The following DAB1 variants were observed in gnomAD, a reference collection of about 807,000 sequenced individuals.
DAB1 encodes the protein DAB adaptor protein 1.
Under a neutral mutation model 64.6 loss-of-function variants are expected in DAB1, and 15 were observed. The ratio of observed to expected loss-of-function variants is 0.23; its 90% confidence interval spans 0.16 to 0.36. The LOEUF is 0.36. DAB1 is among the 10% of genes least tolerant of loss of function. DAB1 has a pLI of 1.00. For synonymous variants in DAB1, 235 were observed against 251.9 expected, an observed-to-expected ratio of 0.93 and a Z score of 0.64; for missense variants, 596 against 706.7, an observed-to-expected ratio of 0.84 and a Z score of 1.78.
At chr1:57,534,782 T>A (rs17115946) in intron 7 of DAB1, among the ~76,000 whole-genome samples, 3,117 of 152,220 alleles carry the variant, frequency 0.02, 122 homozygotes, top group African/African-American at 0.071. Flanking sequence ...AAAGCGTAAA[T>A]GAGATAACAT....
chr1:58,540,872 A>G (rs1646596305), intron 1 of DAB1, among the ~76,000 whole-genome samples: 1 of 152,076 alleles, frequency 6.6e-6, no homozygotes, highest in African/African-American at 2.4e-5. Context: ...TGAAAATTAT[A>G]AAACCACAAA....
chr1:58,347,101 T>C (rs1392170368), intron 3 of DAB1, among the ~76,000 whole-genome samples: 1 of 109,708 alleles, frequency 9.1e-6, no homozygotes, highest in South Asian at 2.7e-4. Context: ...TTTGTTTTGT[T>C]TTGTTTGTTT....
intron 3 of DAB1, among the ~76,000 whole-genome samples, chr1:58,356,688 A>C (rs1419887163): frequency 6.6e-6 from 1 of 152,090 alleles, no homozygotes. Flanking sequence ...TTTGGATCAG[A>C]GAGTAGGTAG....
At chr1:58,150,736 T>C (rs971502044) in intron 4 of DAB1, 1 of 152,082 alleles carries the variant, frequency 6.6e-6, no homozygotes, top group South Asian at 2.1e-4. Flanking sequence ...ATGTGCACAA[T>C]GTGCAGGTTT....
intron 3 of DAB1, among the ~76,000 whole-genome samples, chr1:57,143,951 T>C (rs1007716560): frequency 1.3e-5 from 2 of 151,626 alleles, no homozygotes; most frequent in African/African-American, 2.4e-5. Context: ...TGTATATGTA[T>C]ATATGCTCAT....
chr1:58,357,830 G>GA (rs1334430687), intron 3 of DAB1, among the ~76,000 whole-genome samples: 1 of 152,060 alleles, frequency 6.6e-6, no homozygotes, highest in East Asian at 1.9e-4. Flanking sequence ...TCTATAGTGG[G>GA]AAAAGGAGGA....
intron 7 of DAB1, among the ~76,000 whole-genome samples, chr1:57,553,568 C>T (rs1419997442): frequency 6.6e-6 from 1 of 151,728 alleles, no homozygotes; most frequent in Non-Finnish European, 1.5e-5. Context: ...ACTTAAAAGC[C>T]TCCCTACTCA....
intron 5 of DAB1, among the ~76,000 whole-genome samples, chr1:57,981,640 C>T (rs1056039775): frequency 9.2e-5 from 14 of 151,972 alleles, no homozygotes; most frequent in Non-Finnish European, 2.1e-4. Context: ...TATTTTTTGC[C>T]TGCTTGTGAC....
intron 3 of DAB1, among the ~76,000 whole-genome samples, chr1:58,454,268 A>G (rs1645169050): frequency 6.6e-6 from 1 of 152,156 alleles, no homozygotes; most frequent in African/African-American, 2.4e-5. Context: ...ATGGCAGGCT[A>G]CAAACACACA....
chr1:57,991,956 CA>C (rs1256912302), intron 5 of DAB1, among the ~76,000 whole-genome samples: 1 of 149,558 alleles, frequency 6.7e-6, no homozygotes, highest in Admixed American at 6.7e-5. Context: ...TCAAGGAGGA[CA>C]TTCCAGGTAG....
intron 7 of DAB1, among the ~76,000 whole-genome samples, chr1:57,540,812 G>A (rs1644792743): frequency 6.6e-6 from 1 of 152,198 alleles, no homozygotes; most frequent in South Asian, 2.1e-4. Flanking sequence ...GAGGCCAGGA[G>A]GAGAATGTGT....
At chr1:57,300,425 G>A (rs1033169047) in intron 1 of DAB1, among the ~76,000 whole-genome samples, 1 of 152,144 alleles carries the variant, frequency 6.6e-6, no homozygotes, top group African/African-American at 2.4e-5. Context: ...TTAACAGGGG[G>A]GATGCAGACG....
intron 3 of DAB1, among the ~76,000 whole-genome samples, chr1:58,487,742 C>T (rs536489107): frequency 6.6e-6 from 1 of 152,246 alleles, no homozygotes; most frequent in East Asian, 1.9e-4. Flanking sequence ...TTCATTCTAG[C>T]TATAATTTCT....
rs563603297 is a variant in DAB1, at chr1:58,262,480, G to A, written n.309+80872C>T. 2.4e-4 allele frequency among the ~76,000 whole-genome samples: 37 copies of A among 152,300 alleles called. 1 individual carries two copies. Among genetic ancestry groups the A allele is most frequent in the Admixed American group, 6.5e-4 (10 of 15,294 alleles). On this transcript the variant is annotated intron_variant and non_coding_transcript_variant, in intron 4 of 20. Transcript: ENST00000485760. Reference sequence around the variant, plus strand: ...TGCACCTGTAGTCCCAGCTACTGGGGAGGCTGAGGCAGGAGAATCGCTTGA... The same window carrying A: ...TGCACCTGTAGTCCCAGCTACTGGGAAGGCTGAGGCAGGAGAATCGCTTGA...
At chr1:57,131,630 G>T (rs1657657334) in intron 4 of DAB1, among the ~76,000 whole-genome samples, 1 of 152,200 alleles carries the variant, frequency 6.6e-6, no homozygotes, top group Admixed American at 6.5e-5. Context: ...ACTGAAAGGA[G>T]AACAGACTTG....
At chr1:57,793,089 A>G (rs1489127007) in intron 6 of DAB1, among the ~76,000 whole-genome samples, 1 of 152,250 alleles carries the variant, frequency 6.6e-6, no homozygotes, top group East Asian at 1.9e-4. Flanking sequence ...GTGGTACTTA[A>G]TAGAAATTTG....
chr1:57,224,385 C>G (rs368118009), intron 2 of DAB1, among the ~76,000 whole-genome samples: 1 of 152,162 alleles, frequency 6.6e-6, no homozygotes, highest in Non-Finnish European at 1.5e-5. Flanking sequence ...CCAGATACAA[C>G]GCATCAACCC....
chr1:58,426,256 C>T (rs981470633), intron 3 of DAB1, among the ~76,000 whole-genome samples: 2 of 152,162 alleles, frequency 1.3e-5, no homozygotes, highest in African/African-American at 4.8e-5. Flanking sequence ...AGGGCTCTGT[C>T]TACCATACCA....
At chr1:58,199,352 T>C (rs1002657732) in intron 4 of DAB1, among the ~76,000 whole-genome samples, 1 of 152,236 alleles carries the variant, frequency 6.6e-6, no homozygotes, top group Non-Finnish European at 1.5e-5. Context: ...CTAGTTTATA[T>C]ATTCCTCATT....
Sources: gnomAD v4.1 joint callset for allele counts (sites outside exome capture counted in the v4.1 genomes callset) on GRCh38, gnomAD v4.1.1 for gene constraint, MANE v1.5 for transcripts, NCBI Gene and HGNC (gene_info 2026-07-23, HGNC 2026-07-21) for gene names.